The following PSTPIP1 variants were observed in gnomAD, a reference collection of about 807,000 sequenced individuals.
PSTPIP1 encodes proline-serine-threonine phosphatase-interacting protein 1.
Under a neutral mutation model 69.6 loss-of-function variants are expected in PSTPIP1, and 66 were observed. That is an observed-to-expected ratio of 0.95 (90% CI 0.78 to 1.16). The LOEUF is 1.16. PSTPIP1 is among the 50% of genes most tolerant of loss of function. The pLI, the probability that PSTPIP1 is intolerant of heterozygous loss-of-function variation, is 0.00. For missense variants in PSTPIP1, 603 were observed against 557.4 expected, an observed-to-expected ratio of 1.08 and a Z score of -0.82; for synonymous variants, 266 against 222.7, an observed-to-expected ratio of 1.19 and a Z score of -1.73.
chr15:77,011,296 G>A (rs937562229), intron 1 of PSTPIP1, among the ~76,000 whole-genome samples: 1 of 152,214 alleles, frequency 6.6e-6, no homozygotes, highest in Non-Finnish European at 1.5e-5. Context: ...CCTTCAGTGG[G>A]ACCCCTGGGA....
intron 1 of PSTPIP1, among the ~76,000 whole-genome samples, chr15:77,014,014 A>G (rs1173777935): frequency 6.6e-6 from 1 of 152,112 alleles, no homozygotes; most frequent in Non-Finnish European, 1.5e-5. Flanking sequence ...GGTGGCAGGC[A>G]GGCGGGGAGG....
At position 77,018,469 on chromosome 15, in the gene PSTPIP1, G is replaced by A; in HGVS notation, c.150G>A (p.Glu50=). The A allele has an allele frequency of 6.3e-7, 1 of 1,583,302 alleles. No individual in the cohort carries two copies. The highest frequency in any genetic ancestry group is 8.6e-7 in the Non-Finnish European group (1 of 1,164,754). The change falls in exon 3 of 15, where the codon GAG becomes GAA. Residue 50 remains glutamate (E), a synonymous_variant. Coordinates refer to ENST00000558012, the MANE Select transcript of PSTPIP1 (RefSeq NM_003978.5). ...EELLRQRAQA[E]ERYGKELVQI... is the part of the protein sequence containing the mutation. ...CTTTTTTTTGCAGGGCCCAGGCGGA[G>A]GAGCGGTACGGGAAGGAGCTGGTGC...
At chr15:77,023,083 C>T (rs1568505435) in intron 3 of PSTPIP1, among the ~76,000 whole-genome samples, 1 of 152,244 alleles carries the variant, frequency 6.6e-6, no homozygotes, top group Non-Finnish European at 1.5e-5. Flanking sequence ...GGGCCAGCAG[C>T]TCCCAGAACC....
At chr15:77,005,963 G>A (rs937484481) in intron 1 of PSTPIP1, among the ~76,000 whole-genome samples, 2 of 152,202 alleles carry the variant, frequency 1.3e-5, no homozygotes, top group Non-Finnish European at 2.9e-5. Context: ...ACAAGTACCT[G>A]TTTGAAACCC....
upstream of PSTPIP1, chr15:76,994,896 G>A (rs2075539261): frequency 1.6e-6 from 2 of 1,286,060 alleles, no homozygotes; most frequent in Admixed American, 4.6e-5. Context: ...GTGCTGGACT[G>A]GCTGGCGGGT....
intron 7 of PSTPIP1, among the ~76,000 whole-genome samples, chr15:77,029,227 G>C (rs1047852602): frequency 6.6e-6 from 1 of 152,176 alleles, no homozygotes; most frequent in African/African-American, 2.4e-5. Flanking sequence ...TCAGTCAGGG[G>C]CCAGAGCCCA....
At chr15:77,006,132 TTC>T (rs906073785) in intron 1 of PSTPIP1, among the ~76,000 whole-genome samples, 1 of 151,940 alleles carries the variant, frequency 6.6e-6, no homozygotes, top group Non-Finnish European at 1.5e-5. Context: ...TCTTGTTAAT[TTC>T]TGTTTTTTTT....
intron 8 of PSTPIP1, 22 bp from the exon 9 acceptor site, chr15:77,030,480 C>T (rs1460899893): frequency 1.1e-5 from 17 of 1,608,608 alleles, no homozygotes; most frequent in Non-Finnish European, 1.4e-5. Flanking sequence ...AGGGCCCTCC[C>T]TGAGGCTGCC....
chr15:77,016,778 C>T (rs746168558), intron 1 of PSTPIP1, among the ~76,000 whole-genome samples: 7 of 152,182 alleles, frequency 4.6e-5, no homozygotes, highest in Non-Finnish European at 8.8e-5. Flanking sequence ...AATACCTTCT[C>T]CTTCCAGCAC....
rs1428241642 is a variant in PSTPIP1 at position 77,018,493 on chromosome 15, G to A, written c.174G>A (p.Val58=). 2 of 1,583,340 alleles carry A rather than the reference G, an allele frequency of 1.3e-6. No individual in the cohort carries two copies. The highest frequency in any genetic ancestry group is 1.2e-5 in the South Asian group (1 of 86,448). The change falls in exon 3 of 15, where the codon GTG becomes GTA. Residue 58 remains valine (V), a synonymous_variant. Transcript: ENST00000558012. ...QAEERYGKEL[V]QIARKAGGQT... is the part of the protein sequence containing the mutation. ...AGGAGCGGTACGGGAAGGAGCTGGT[G>A]CAGATCGCACGGAAGGCAGGTGGCC...
intron 4 of PSTPIP1, 33 bp from the exon 5 acceptor site, chr15:77,025,465 C>T: frequency 6.4e-7 from 1 of 1,574,378 alleles, no homozygotes; most frequent in Non-Finnish European, 8.6e-7. Context: ...TCAGATCTGA[C>T]ACTGGGGACC....
In PSTPIP1 at chr15:77,036,520, G is replaced by A. The variant is rs559523988; in HGVS notation, c.1120-525G>A. Among the ~76,000 whole-genome samples the A allele has an allele frequency of 1.6e-3, 248 of 152,140 alleles. 1 individual carries two copies. The highest frequency in any genetic ancestry group is 2.8e-3 in the Non-Finnish European group (188 of 68,018). ...AGAGTCCTTTCTGCTCCCTGCTTGAGGGGAAGAATGCATAGCCAGACCTCA... is the reference window on the plus strand; with the variant it reads ...AGAGTCCTTTCTGCTCCCTGCTTGAAGGGAAGAATGCATAGCCAGACCTCA... On this transcript the variant is annotated intron_variant, in intron 14 of 14. Transcript: ENST00000558012.
At chr15:77,010,031 A>G (rs929908819) in intron 1 of PSTPIP1, among the ~76,000 whole-genome samples, 1 of 152,102 alleles carries the variant, frequency 6.6e-6, no homozygotes, top group Non-Finnish European at 1.5e-5. Flanking sequence ...GGCTGGCTAC[A>G]GGGTCAGTGC....
At chr15:77,014,896 G>A (rs1300805493) in intron 1 of PSTPIP1, among the ~76,000 whole-genome samples, 1 of 152,240 alleles carries the variant, frequency 6.6e-6, no homozygotes, top group Non-Finnish European at 1.5e-5. Context: ...GCCTGAGGCC[G>A]ATGGCCACAC....
chr15:77,032,802 T>C, intron 11 of PSTPIP1, 60 bp from the exon 12 acceptor site: 2 of 1,432,142 alleles, frequency 1.4e-6, no homozygotes, highest in Admixed American at 2.1e-5. Flanking sequence ...CAGCTGAGTC[T>C]GGCAGGGCCA....
chr15:76,995,751 A>G, intron 1 of PSTPIP1, 142 bp downstream of exon 1: 1 of 1,455,838 alleles, frequency 6.9e-7, no homozygotes, highest in Non-Finnish European at 9.4e-7. Context: ...ATTGTCATGG[A>G]GGTGGCCCAG....
intron 1 of PSTPIP1, among the ~76,000 whole-genome samples, chr15:76,996,711 G>A (rs546198880): frequency 1.3e-5 from 2 of 152,364 alleles, no homozygotes; most frequent in Admixed American, 6.5e-5. Flanking sequence ...CCCCACGTGG[G>A]GAGGGCACCT....
chr15:77,016,775 T>G (rs2076060350), intron 1 of PSTPIP1, among the ~76,000 whole-genome samples: 1 of 152,114 alleles, frequency 6.6e-6, no homozygotes, highest in African/African-American at 2.4e-5. Context: ...GAGAATACCT[T>G]CTCCTTCCAG....
chr15:77,028,360 C>A (rs1245553266), intron 6 of PSTPIP1, 194 bp from the exon 7 acceptor site: 2 of 547,146 alleles, frequency 3.7e-6, no homozygotes, highest in Non-Finnish European at 6.5e-6. Flanking sequence ...GGCCTGAGAG[C>A]AGGACTACCA....
Sources: allele counts gnomAD v4.1 joint callset (sites outside exome capture counted in the v4.1 genomes callset), GRCh38; gene constraint gnomAD v4.1.1; transcripts MANE v1.5; gene names NCBI Gene and HGNC (gene_info 2026-07-23, HGNC 2026-07-21).